Variants in ZNF649 observed in about 807,000 individuals in gnomAD.
The protein encoded by ZNF649 is zinc finger protein 649.
Under a neutral mutation model 14.1 loss-of-function variants are expected in ZNF649, and 7 were observed. The observed-to-expected ratio is 0.49, with a 90% confidence interval of 0.28 to 0.93. The LOEUF (loss-of-function observed/expected upper bound fraction) is 0.93. Among genes scored for constraint, ZNF649 ranks in the 40% least tolerant of loss-of-function variants. The pLI is 0.10. For synonymous variants in ZNF649, 227 were observed against 212.3 expected (o/e 1.07, Z -0.60); for missense variants, 544 against 608.1 (o/e 0.89, Z 1.11).
chr19:51,896,254 A>G (rs1248497963), intron 4 of ZNF649: 1 of 390,536 alleles, frequency 2.6e-6, no homozygotes, highest in Admixed American at 4.0e-5. Flanking sequence ...CTCAACATCT[A>G]AGAAGAAATG....
At chr19:51,903,292 C>A (rs534694654) in intron 1 of ZNF649, among the ~76,000 whole-genome samples, 1 of 152,172 alleles carries the variant, frequency 6.6e-6, no homozygotes, top group African/African-American at 2.4e-5. Context: ...TGGTGATCAA[C>A]TCAACCTTCA....
chr19:51,894,835 C>A (rs1313998135), intron 4 of ZNF649, among the ~76,000 whole-genome samples: 3 of 151,902 alleles, frequency 2.0e-5, no homozygotes, highest in African/African-American at 7.3e-5. Flanking sequence ...AAAAACAGCC[C>A]CCGAGAGAGC....
intron 1 of ZNF649, 182 bp from the exon 2 acceptor site, chr19:51,900,476 T>C (rs1467078541): frequency 9.8e-6 from 2 of 203,918 alleles, no homozygotes; most frequent in African/African-American, 2.3e-5. Flanking sequence ...TGGGGAGTCA[T>C]ATGGCAGTGG....
At position 51,896,583 on chromosome 19, in the gene ZNF649, G is replaced by A. The variant is rs563867386; in HGVS notation, c.143-16C>T. On this transcript the variant is annotated splice_polypyrimidine_tract_variant and intron_variant, in intron 3 of 4. Coordinates refer to ENST00000354957, the MANE Select transcript of ZNF649 (RefSeq NM_023074.4). Reference sequence around the variant, plus strand: ...GCTTGATACCCTGTTTGTGGGAAATGGGAGAAGACTTAGGCTCACTGAATT... The same window carrying A: ...GCTTGATACCCTGTTTGTGGGAAATAGGAGAAGACTTAGGCTCACTGAATT... The A allele has an allele frequency of 6.2e-7, 1 of 1,613,242 alleles. No individual in the cohort carries two copies. The highest frequency in any genetic ancestry group is 1.1e-5 in the South Asian group (1 of 91,052).
At chr19:51,899,838 A>G (rs950346124) in intron 2 of ZNF649, 1 of 365,360 alleles carries the variant, frequency 2.7e-6, no homozygotes, top group Non-Finnish European at 4.9e-6. Flanking sequence ...GATTTTGGAC[A>G]CAAGCTGACA....
intron 2 of ZNF649, among the ~76,000 whole-genome samples, chr19:51,897,420 C>T (rs10403189): frequency 0.2 from 30,082 of 151,950 alleles, 3,459 homozygotes; most frequent in South Asian, 0.38. Flanking sequence ...CCATTAAATC[C>T]TCTTGCTAAC....
chr19:51,896,786 A>G, intron 3 of ZNF649, 66 bp downstream of exon 3: 1 of 1,614,094 alleles, frequency 6.2e-7, no homozygotes, highest in South Asian at 1.1e-5. Context: ...CAAAGCTTCC[A>G]GAAGCTGAGA....
chr19:51,890,787 C>T lies in ZNF649; in HGVS notation c.1349G>A (p.Arg450Lys). 1 of 1,614,210 alleles carries T rather than the reference C, an allele frequency of 6.2e-7. No individual in the cohort carries two copies. The highest frequency in any genetic ancestry group is 1.3e-5 in the African/African-American group (1 of 75,066). The change falls in exon 5 of 5, where the codon AGA becomes AAA. Residue 450 changes from arginine to lysine, a missense_variant. Physicochemically the swap from Arg to Lys is conservative, Grantham distance 26. Transcript: ENST00000354957. Reference protein sequence around the residue: ...FYMSCLVKHKRIHSREKRGDS... With the variant: ...FYMSCLVKHKKIHSREKRGDS... ...CCCCCGTTTCTCCCTTGAGTGTATT[C>T]TCTTATGTTTAACAAGGCAAGACAT...
rs376678963 is a variant in ZNF649 at position 51,891,418 on chromosome 19, C to A, written c.718G>T (p.Gly240Trp). The A allele has an allele frequency of 5.6e-6, 9 of 1,614,030 alleles. No homozygotes were observed. The African/African-American group carries it at 9.3e-5, about 17-fold the overall frequency. The stretch of plus-strand genomic sequence containing the variant: ...CTGTACCTCTTGTAGAAGGCTTTCC[C>A]ACACAAGCTACACCCGTGGGGTTTC... ...GEKPHGCSLC[G>W]KAFYKRYRLT... is the part of the protein sequence containing the mutation. Residue 240 changes from glycine to tryptophan, a missense_variant, in exon 5 of 5, where the codon GGG becomes TGG. By Grantham distance (184) the Gly-to-Trp change is radical. Transcript: ENST00000354957. This position sits in a 1 kb window ranked among gnomAD's most constrained non-coding sequence, Gnocchi z 4.2.
chr19:51,897,624 T>C (rs913616608), intron 2 of ZNF649, among the ~76,000 whole-genome samples: 3 of 152,154 alleles, frequency 2.0e-5, no homozygotes, highest in Non-Finnish European at 2.9e-5. Context: ...TTGACATGCA[T>C]AGATACATGT....
chr19:51,900,314 T>A lies in ZNF649; in HGVS notation c.-187-20A>T. ...CAGGACCTATGGAGTAAAAATCAAG[T>A]TCATTTGGTGACACATTCCCTCCGG... On this transcript the variant is annotated intron_variant, in intron 1 of 4. Transcript: ENST00000354957. 1 of 420,218 alleles carries A rather than the reference T, an allele frequency of 2.4e-6. No individual in the cohort carries two copies. The highest frequency in any genetic ancestry group is 3.5e-5 in the East Asian group (1 of 28,542). 26.0% of individuals were successfully genotyped at this position (420,218 alleles called of 1,614,324 possible).
At chr19:51,903,204 C>A (rs970503847) in intron 1 of ZNF649, among the ~76,000 whole-genome samples, 1 of 152,004 alleles carries the variant, frequency 6.6e-6, no homozygotes, top group Non-Finnish European at 1.5e-5. Flanking sequence ...TCTGTAAGTT[C>A]CCCAGAAGTT....
chr19:51,900,064 A>G, intron 2 of ZNF649, 29 bp downstream of exon 2: 1 of 1,487,110 alleles, frequency 6.7e-7, no homozygotes, highest in South Asian at 1.5e-5. Flanking sequence ...CAGGGAATCG[A>G]GTTAAGAATA....
Position 51,889,383 on chromosome 19 carries a change from C to A in ZNF649, c.*1235G>T, listed in dbSNP as rs1125222. On this transcript the variant is annotated 3_prime_UTR_variant, in exon 5 of 5. Coordinates refer to ENST00000354957, the MANE Select transcript of ZNF649 (RefSeq NM_023074.4). ...TGCCTTAACAAACATTCATTTCTCA[C>A]GTTCCAGAGGCTGAGGAGTCTCTAG... The A allele has an allele frequency of 6.6e-6, 1 of 152,158 alleles. No homozygotes were observed. The highest frequency in any genetic ancestry group is 1.9e-4 in the East Asian group (1 of 5,200). 9.4% of individuals were successfully genotyped at this position (152,158 alleles called of 1,614,324 possible). A position where few individuals can be genotyped will look rare whatever the true frequency, so the allele number is the denominator to read the frequency against.
At chr19:51,903,178 T>G (rs1404802334) in intron 1 of ZNF649, among the ~76,000 whole-genome samples, 1 of 152,098 alleles carries the variant, frequency 6.6e-6, no homozygotes, top group East Asian at 1.9e-4. Context: ...CTCAGGCACC[T>G]CCACATGCTC....
chr19:51,899,321 T>C (rs1389891850), intron 2 of ZNF649, among the ~76,000 whole-genome samples: 2 of 152,170 alleles, frequency 1.3e-5, no homozygotes, highest in African/African-American at 2.4e-5. Context: ...TGAGACAACA[T>C]GACATTCTAA....
At chr19:51,892,754 C>T (rs1408746988) in intron 4 of ZNF649, among the ~76,000 whole-genome samples, 4 of 152,112 alleles carry the variant, frequency 2.6e-5, no homozygotes, top group Non-Finnish European at 4.4e-5. Flanking sequence ...GCAGTCAATA[C>T]TCTAACCTTT....
At position 51,891,895 on chromosome 19, in the gene ZNF649, T is replaced by G; in HGVS notation, c.241A>C (p.Ile81Leu). Reference protein sequence around the residue: ...DEIHSPAHPEIEKADDHLQQP... With the variant: ...DEIHSPAHPELEKADDHLQQP... ...TGCAGATGATCATCAGCTTTCTCAA[T>G]TTCTAAGAGAGAGAACAATAAATCC... is the stretch of plus-strand genomic sequence containing the variant. The change falls in exon 5 of 5, where the codon ATT (isoleucine) becomes CTT (leucine). Residue 81 changes from isoleucine (I) to leucine (L), a missense_variant and splice_region_variant. Transcript: ENST00000354957. This position sits in a 1 kb window ranked among gnomAD's most constrained non-coding sequence, Gnocchi z 4.2. The G allele has an allele frequency of 6.4e-7, 1 of 1,551,540 alleles. No homozygotes were observed. The highest frequency in any genetic ancestry group is 2.2e-5 in the East Asian group (1 of 44,542).
rs544545751 is a variant in ZNF649, at chr19:51,898,543, C to T, written c.15+1550G>A. 7.9e-5 allele frequency among the ~76,000 whole-genome samples: 12 copies of T among 152,216 alleles called. No individual in the cohort carries two copies. The East Asian group carries it at 1.9e-3, about 24-fold the overall frequency. ...ATGGAATTGCAGTGCCCCCTTCCCC[C>T]ACCCCCCACTTCCACATGTGATCTC... is the stretch of plus-strand genomic sequence containing the variant. On this transcript the variant is annotated intron_variant, in intron 2 of 4. Coordinates refer to ENST00000354957, the MANE Select transcript of ZNF649 (RefSeq NM_023074.4).
Sources: gnomAD v4.1 joint callset for allele counts (sites outside exome capture counted in the v4.1 genomes callset) on GRCh38, gnomAD v4.1.1 for gene constraint, Gnocchi (gnomAD v3.1) non-coding constraint, MANE v1.5 for transcripts, NCBI Gene and HGNC (gene_info 2026-07-23, HGNC 2026-07-21) for gene names.